SGIP1: variants seen among roughly 807,000 people sequenced by gnomAD.
SGIP1 encodes the protein SH3-containing GRB2-like protein 3-interacting protein 1.
In SGIP1, 38 loss-of-function variants were observed where a neutral mutation model predicts 107.5. The observed-to-expected ratio is 0.35, with a 90% CI of 0.27 to 0.46. The LOEUF is 0.46. SGIP1 is among the 20% of genes least tolerant of loss of function. The pLI, the probability that SGIP1 is intolerant of heterozygous loss-of-function variation, is 1.00. For synonymous variants in SGIP1, 365 were observed against 366.1 expected (o/e 1.00, Z 0.03); for missense variants, 929 against 1,019.5 (o/e 0.91, Z 1.21).
intron 1 of SGIP1, among the ~76,000 whole-genome samples, chr1:66,623,683 G>A (rs114161777): frequency 2.1e-3 from 316 of 152,322 alleles, no homozygotes; most frequent in Admixed American, 3.3e-3. Context: ...TCCAGTGAAA[G>A]TAAAGCTACA....
intron 1 of SGIP1, among the ~76,000 whole-genome samples, chr1:66,536,205 A>G (rs968809738): frequency 6.6e-6 from 1 of 151,312 alleles, no homozygotes; most frequent in African/African-American, 2.4e-5. Flanking sequence ...GGTTTGCCAA[A>G]TTTATCTAAT....
chr1:66,653,956 C>T (rs1401529635), intron 7 of SGIP1, among the ~76,000 whole-genome samples: 4 of 152,144 alleles, frequency 2.6e-5, no homozygotes, highest in Non-Finnish European at 5.9e-5. Flanking sequence ...GAACAGTTTA[C>T]TGAATGTTGG....
intron 21 of SGIP1, among the ~76,000 whole-genome samples, chr1:66,736,733 A>T (rs2094275601): frequency 6.6e-6 from 1 of 151,460 alleles, no homozygotes; most frequent in South Asian, 2.1e-4. Flanking sequence ...TATATATTAA[A>T]TATACTTTTT....
rs1432767655 is a variant in SGIP1, at chr1:66,750,950, G to C, written c.*7855G>C. ...ATAATAATTTTTGTAAATGTTTTTT[G>C]TTCATAATTTTCCCAATCACCTATT... On this transcript the variant is annotated 3_prime_UTR_variant, in exon 25 of 25. Coordinates refer to ENST00000371037, the MANE Select transcript of SGIP1 (RefSeq NM_032291.4). Among the ~76,000 whole-genome samples, 1 of 152,012 alleles carries C rather than the reference G, an allele frequency of 6.6e-6. No individual in the cohort carries two copies. Among genetic ancestry groups the C allele is most frequent in the East Asian group, 1.9e-4 (1 of 5,196 alleles).
intron 12 of SGIP1, among the ~76,000 whole-genome samples, chr1:66,674,481 T>C (rs1237316920): frequency 6.6e-6 from 1 of 152,216 alleles, no homozygotes; most frequent in Non-Finnish European, 1.5e-5. Flanking sequence ...TATAATAACA[T>C]GTTATCCTTC....
chr1:66,549,160 T>A (rs1166998224), intron 1 of SGIP1, among the ~76,000 whole-genome samples: 1 of 150,908 alleles, frequency 6.6e-6, no homozygotes, highest in African/African-American at 2.5e-5. Context: ...CCTTCCTTCC[T>A]TCCTTCCTTC....
chr1:66,735,167 T>C (rs1330256390), intron 21 of SGIP1, among the ~76,000 whole-genome samples: 1 of 150,778 alleles, frequency 6.6e-6, no homozygotes, highest in Non-Finnish European at 1.5e-5. Context: ...TACTCTCTAA[T>C]TCTATAAGAT....
At chr1:66,555,716 T>C (rs965261809) in intron 1 of SGIP1, among the ~76,000 whole-genome samples, 3 of 152,164 alleles carry the variant, frequency 2.0e-5, no homozygotes. Flanking sequence ...AATGAAACTA[T>C]AAGAAGGTGT....
intron 1 of SGIP1, among the ~76,000 whole-genome samples, chr1:66,561,303 C>T (rs1390642493): frequency 6.6e-6 from 1 of 152,048 alleles, no homozygotes; most frequent in African/African-American, 2.4e-5. Flanking sequence ...TAGACTCTCA[C>T]ATGCTTAACT....
chr1:66,654,922 C>A (rs921899903), intron 7 of SGIP1, among the ~76,000 whole-genome samples: 1 of 152,224 alleles, frequency 6.6e-6, no homozygotes, highest in African/African-American at 2.4e-5. Flanking sequence ...TTTTGCCCAA[C>A]TGAAACTCCT....
In SGIP1 at chr1:66,690,305, C is replaced by G; in HGVS notation, c.1559C>G (p.Thr520Ser). 6.2e-7 allele frequency: 1 copy of G among 1,614,148 alleles called. No homozygotes were observed. Among genetic ancestry groups the G allele is most frequent in the Non-Finnish European group, 8.5e-7 (1 of 1,180,012 alleles). The change falls in exon 17 of 25, where the codon ACT becomes AGT. Residue 520 changes from threonine to serine, a missense_variant. Transcript: ENST00000371037. ...ACCAATTCCTTGAGCGCAGCCACCA[C>G]TCCCACAGTTGGTAAAAATTCTCTC... ...SSTNSLSAAT[T>S]PTVENEQPSL...
intron 2 of SGIP1, among the ~76,000 whole-genome samples, chr1:66,627,135 CTTA>C (rs1398303300): frequency 2.0e-5 from 3 of 152,162 alleles, no homozygotes; most frequent in African/African-American, 7.2e-5. Context: ...TGCTGGTACT[CTTA>C]TTATTACTGA....
At chr1:66,676,920 C>A in intron 12 of SGIP1, 84 bp from the exon 13 acceptor site, 1 of 1,083,164 alleles carries the variant, frequency 9.2e-7, no homozygotes, top group Non-Finnish European at 1.4e-6. Flanking sequence ...TTTTGTAAAG[C>A]TCAACTTGAA....
intron 1 of SGIP1, among the ~76,000 whole-genome samples, chr1:66,623,789 ATG>A (rs2071859580): frequency 6.6e-6 from 1 of 152,188 alleles, no homozygotes; most frequent in Non-Finnish European, 1.5e-5. Flanking sequence ...CATAAAGGTA[ATG>A]TAACTTGTAT....
At position 66,633,505 on chromosome 1, in the gene SGIP1, G is replaced by T. The variant is rs141200430; in HGVS notation, c.99+411G>T. 3.6e-3 allele frequency among the ~76,000 whole-genome samples: 546 copies of T among 152,304 alleles called. 5 individuals carry two copies. Among genetic ancestry groups the T allele is most frequent in the African/African-American group, 0.013 (520 of 41,560 alleles). On this transcript the variant is annotated intron_variant, in intron 3 of 24. Coordinates refer to ENST00000371037, the MANE Select transcript of SGIP1 (RefSeq NM_032291.4). ...AATTCAAAGAAGCTTTTCCCCTTTAGTAGTTGTGCTGCAGATACATTTTCT... is the reference window on the plus strand; with the variant it reads ...AATTCAAAGAAGCTTTTCCCCTTTATTAGTTGTGCTGCAGATACATTTTCT...
intron 1 of SGIP1, among the ~76,000 whole-genome samples, chr1:66,611,207 A>T (rs953128130): frequency 2.0e-5 from 3 of 152,246 alleles, no homozygotes; most frequent in Non-Finnish European, 4.4e-5. Flanking sequence ...TTCTGAATGC[A>T]TGATTTATTT....
At chr1:66,694,103 A>G (rs1057323330) in intron 17 of SGIP1, among the ~76,000 whole-genome samples, 2 of 152,184 alleles carry the variant, frequency 1.3e-5, no homozygotes. Context: ...AGTGAAATAC[A>G]CTTGCATAAG....
At chr1:66,717,987 T>G (rs1034037718) in intron 18 of SGIP1, among the ~76,000 whole-genome samples, 3 of 152,086 alleles carry the variant, frequency 2.0e-5, no homozygotes, top group African/African-American at 7.2e-5. Flanking sequence ...TGATACATAG[T>G]AGATATTAGA....
intron 7 of SGIP1, among the ~76,000 whole-genome samples, chr1:66,653,135 G>A (rs563014137): frequency 6.6e-6 from 1 of 152,262 alleles, no homozygotes; most frequent in East Asian, 1.9e-4. Context: ...GTTAACACAT[G>A]AGACGCAACT....
Sources: gnomAD v4.1 joint callset for allele counts (sites outside exome capture counted in the v4.1 genomes callset) on GRCh38, gnomAD v4.1.1 for gene constraint, MANE v1.5 for transcripts, NCBI Gene and HGNC (gene_info 2026-07-23, HGNC 2026-07-21) for gene names.